The following EDN1 variants were observed in gnomAD, a reference collection of about 807,000 sequenced individuals.
EDN1 encodes the protein endothelin 1, also known as endothelin-1.
EDN1 carries 11 observed loss-of-function variants against 21.7 expected under a neutral mutation model. That is an observed-to-expected ratio of 0.51 (90% CI 0.32 to 0.84). The LOEUF (loss-of-function observed/expected upper bound fraction) is 0.84. Ranked by LOEUF, EDN1 falls within the 40% of genes least tolerant of loss-of-function variation. The probability of loss-of-function intolerance (pLI) is 0.03; values close to 1 mark genes in which losing one functional copy is unlikely to be tolerated. For synonymous variants in EDN1, 85 were observed against 90.6 expected (o/e 0.94, Z 0.35); for missense variants, 244 against 262.3 (o/e 0.93, Z 0.48).
chr6:12,232,496 C>A, the EDN1 span, among the ~76,000 whole-genome samples: 1 of 152,150 alleles, frequency 6.6e-6, no homozygotes, highest in East Asian at 1.9e-4. Context: ...ATGCAGCGCT[C>A]CCCCAAATTC....
chr6:12,278,741 A>G, the EDN1 span, among the ~76,000 whole-genome samples: 5 of 152,110 alleles, frequency 3.3e-5, no homozygotes, highest in Admixed American at 3.3e-4. Context: ...AACTAAAAAT[A>G]CAAAAATTAG....
the EDN1 span, among the ~76,000 whole-genome samples, chr6:12,244,243 G>A: frequency 6.6e-6 from 1 of 151,968 alleles, no homozygotes; most frequent in Non-Finnish European, 1.5e-5. Context: ...TTTTCCTATG[G>A]ATCTTTTGCC....
At chr6:12,292,857 G>A (rs762055459) in intron 2 of EDN1, among the ~76,000 whole-genome samples, 25 of 152,168 alleles carry the variant, frequency 1.6e-4, no homozygotes, top group Admixed American at 1.4e-3. Flanking sequence ...GTCAGATGTG[G>A]GTTAGTGCAA....
the EDN1 span, among the ~76,000 whole-genome samples, chr6:12,275,329 A>C: frequency 6.6e-6 from 1 of 152,140 alleles, no homozygotes; most frequent in Non-Finnish European, 1.5e-5. Context: ...GTCACTCAGG[A>C]GGCAGGAGAG....
At chr6:12,280,044 A>T in the EDN1 span, among the ~76,000 whole-genome samples, 5,663 of 151,340 alleles carry the variant, frequency 0.037, 115 homozygotes, top group Middle Eastern at 0.068. Context: ...GTTGCTTTTT[A>T]AAAAAAAATA....
chr6:12,290,541 C>T lies in EDN1; in HGVS notation c.-89C>T, dbSNP rs773074830. 8 of 1,090,248 alleles carry T rather than the reference C, an allele frequency of 7.3e-6. No homozygotes were observed. The highest frequency in any genetic ancestry group is 1.1e-5 in the Non-Finnish European group (8 of 711,170). The allele number at this position is 1,090,248 out of a possible 1,614,324, so 67.5% of individuals were successfully genotyped here. On this transcript the variant is annotated 5_prime_UTR_variant, in exon 1 of 5. Coordinates refer to ENST00000379375, the MANE Select transcript of EDN1 (RefSeq NM_001955.5). ...GGATCGCTTTGAGATCTGAGGAACC[C>T]GCAGCGCTTTGAGGGACCTGAAGCT...
the EDN1 span, among the ~76,000 whole-genome samples, chr6:12,283,499 A>G: frequency 1.3e-5 from 2 of 152,206 alleles, no homozygotes; most frequent in Non-Finnish European, 2.9e-5. Context: ...ATATTTCCTA[A>G]TACAAATAAA....
chr6:12,241,770 T>C, the EDN1 span, among the ~76,000 whole-genome samples: 1 of 152,246 alleles, frequency 6.6e-6, no homozygotes, highest in Admixed American at 6.5e-5. Context: ...ACTCAATCAT[T>C]GTTTCCAGTC....
chr6:12,252,721 T>C, the EDN1 span, among the ~76,000 whole-genome samples: 1 of 152,210 alleles, frequency 6.6e-6, no homozygotes, highest in Non-Finnish European at 1.5e-5. Context: ...TTGCATGAAC[T>C]TCATTTATGT....
the EDN1 span, among the ~76,000 whole-genome samples, chr6:12,249,483 A>T: frequency 1.3e-5 from 2 of 151,234 alleles, no homozygotes; most frequent in Admixed American, 1.3e-4. Flanking sequence ...GTCTTCCAGT[A>T]ATATAAAATG....
the EDN1 span, among the ~76,000 whole-genome samples, chr6:12,250,181 C>T: frequency 6.6e-6 from 1 of 151,550 alleles, no homozygotes; most frequent in Non-Finnish European, 1.5e-5. Context: ...TACAGAGTTA[C>T]AAAAAAGTGT....
At chr6:12,241,966 G>C in the EDN1 span, among the ~76,000 whole-genome samples, 1,389 of 152,332 alleles carry the variant, frequency 9.1e-3, 18 homozygotes, top group African/African-American at 0.031. Context: ...TCCCATAAAA[G>C]GCTTGGGGGA....
chr6:12,243,216 T>C, the EDN1 span, among the ~76,000 whole-genome samples: 4 of 151,428 alleles, frequency 2.6e-5, no homozygotes, highest in Non-Finnish European at 4.4e-5. Context: ...AGAGAAAATA[T>C]ATTTGCTATT....
chr6:12,261,765 T>C, the EDN1 span, among the ~76,000 whole-genome samples: 21 of 152,250 alleles, frequency 1.4e-4, no homozygotes, highest in African/African-American at 4.8e-4. Flanking sequence ...AAAGAACAGA[T>C]TGCAAATTTC....
the EDN1 span, among the ~76,000 whole-genome samples, chr6:12,264,345 G>T: frequency 6.6e-6 from 1 of 152,182 alleles, no homozygotes; most frequent in African/African-American, 2.4e-5. Flanking sequence ...GTGTTTATAG[G>T]TGACTAAAGT....
intron 4 of EDN1, 97 bp downstream of exon 4, chr6:12,294,501 C>G: frequency 2.8e-6 from 4 of 1,448,308 alleles, no homozygotes; most frequent in Non-Finnish European, 1.9e-6. Flanking sequence ...CCTTCTTACC[C>G]GGGCAGGTGA....
chr6:12,266,833 C>T, the EDN1 span, among the ~76,000 whole-genome samples: 2 of 151,972 alleles, frequency 1.3e-5, no homozygotes, highest in Non-Finnish European at 2.9e-5. Flanking sequence ...TTCTGAAATG[C>T]GGTCTTTTCT....
chr6:12,251,811 G>A, the EDN1 span, among the ~76,000 whole-genome samples: 2 of 152,142 alleles, frequency 1.3e-5, no homozygotes, highest in East Asian at 3.9e-4. Context: ...GGATGACTGT[G>A]CGTGCCTGAG....
the EDN1 span, among the ~76,000 whole-genome samples, chr6:12,251,179 ATAACT>A: frequency 6.6e-6 from 1 of 152,230 alleles, no homozygotes; most frequent in Non-Finnish European, 1.5e-5. Flanking sequence ...AAGACCAAAG[ATAACT>A]TAAGCCATAC....
Sources: gnomAD v4.1 joint callset for allele counts (sites outside exome capture counted in the v4.1 genomes callset) on GRCh38, gnomAD v4.1.1 for gene constraint, MANE v1.5 for transcripts, NCBI Gene and HGNC (gene_info 2026-07-23, HGNC 2026-07-21) for gene names.